The following NAALADL2 variants were observed in gnomAD, a reference collection of about 807,000 sequenced individuals.
The protein encoded by NAALADL2 is inactive N-acetylated-alpha-linked acidic dipeptidase-like protein 2.
A neutral mutation model predicts 87.2 loss-of-function variants in NAALADL2; 76 were observed. The ratio of observed to expected loss-of-function variants is 0.87; its 90% confidence interval spans 0.72 to 1.05. The LOEUF (loss-of-function observed/expected upper bound fraction) is 1.05. Ranked by LOEUF, NAALADL2 falls within the 50% of genes least tolerant of loss-of-function variation. NAALADL2 has a pLI of 0.00. For missense variants in NAALADL2, 1,089 were observed against 945.8 expected (o/e 1.15, Z -1.99); for synonymous variants, 354 against 331.0 (o/e 1.07, Z -0.75).
intron 11 of NAALADL2, among the ~76,000 whole-genome samples, 188 bp downstream of exon 11, chr3:175,627,574 C>T (rs1201300309): frequency 1.5e-5 from 1 of 65,580 alleles, no homozygotes; most frequent in African/African-American, 3.8e-5. Flanking sequence ...TCATACAGAC[C>T]CATAACTGTC....
intron 13 of NAALADL2, among the ~76,000 whole-genome samples, chr3:175,761,760 G>C (rs141444265): frequency 0.014 from 2,108 of 152,160 alleles, 19 homozygotes; most frequent in Middle Eastern, 0.027. Context: ...ATGATGTTTT[G>C]CATCTTTTCA....
At chr3:175,535,414 T>C (rs76510333) in intron 9 of NAALADL2, among the ~76,000 whole-genome samples, 2,802 of 152,316 alleles carry the variant, frequency 0.018, 86 homozygotes, top group African/African-American at 0.064. Flanking sequence ...TTTACTCTCC[T>C]GCTACTCTCC....
chr3:175,755,673 TATG>T (rs779693771), intron 13 of NAALADL2, among the ~76,000 whole-genome samples: 1 of 151,098 alleles, frequency 6.6e-6, no homozygotes, highest in Non-Finnish European at 1.5e-5. Context: ...ATGAGTCAAA[TATG>T]ATATGGCCAA....
intron 1 of NAALADL2, among the ~76,000 whole-genome samples, chr3:175,074,162 A>G (rs1309986429): frequency 6.6e-6 from 1 of 152,116 alleles, no homozygotes; most frequent in Non-Finnish European, 1.5e-5. Flanking sequence ...ACCAAAAATT[A>G]TGTTTCTAGA....
At chr3:175,740,669 C>A (rs1745105339) in intron 12 of NAALADL2, among the ~76,000 whole-genome samples, 1 of 152,080 alleles carries the variant, frequency 6.6e-6, no homozygotes, top group Non-Finnish European at 1.5e-5. Flanking sequence ...TATCACAAAC[C>A]CTTATAGCAG....
chr3:174,827,465 A>G lies in NAALADL2; in HGVS notation c.-9+89719A>G, dbSNP rs143158474. Among the ~76,000 whole-genome samples the G allele has an allele frequency of 3.6e-3, 550 of 152,314 alleles. 3 individuals are homozygous for G. Among genetic ancestry groups the G allele is most frequent in the Middle Eastern group, 0.02 (6 of 294 alleles). On this transcript the variant is annotated intron_variant, in intron 3 of 3. Coordinates refer to the NAALADL2 transcript ENST00000434257. ...CTCCATCTTCAAAACAAACAACATC[A>G]GAGCAAGTCTGTTTCACATCACTTC... is the stretch of plus-strand genomic sequence containing the variant.
In NAALADL2 at chr3:175,097,159, T is replaced by C. The variant is rs1721301762; in HGVS notation, c.413T>C (p.Phe138Ser). Residue 138 changes from phenylalanine to serine, a missense_variant, in exon 2 of 14, where the codon TTT becomes TCT. Transcript: ENST00000454872. ...ILCTATILFI[F>S]GILIGYYVHT... is the part of the protein sequence containing the mutation. ...TGCACAGCCACCATTTTATTTATTT[T>C]TGGGATTTTGATAGGTTATTATGTA... 1.2e-6 allele frequency: 2 copies of C among 1,613,714 alleles called. No individual in the cohort carries two copies. The highest frequency in any genetic ancestry group is 1.1e-5 in the South Asian group (1 of 91,088).
At chr3:174,468,149 A>T (rs1368644532) in intron 1 of NAALADL2, among the ~76,000 whole-genome samples, 1 of 152,118 alleles carries the variant, frequency 6.6e-6, no homozygotes, top group Non-Finnish European at 1.5e-5. Flanking sequence ...GGTTTTGTTC[A>T]TTTAATTCCA....
chr3:174,641,715 G>C (rs1165916028), intron 2 of NAALADL2, among the ~76,000 whole-genome samples: 1 of 152,066 alleles, frequency 6.6e-6, no homozygotes, highest in Non-Finnish European at 1.5e-5. Flanking sequence ...ATAACTTCTT[G>C]TTTAAGCCAA....
chr3:174,680,768 G>A (rs193110818), intron 2 of NAALADL2, among the ~76,000 whole-genome samples: 322 of 152,270 alleles, frequency 2.1e-3, no homozygotes, highest in African/African-American at 6.3e-3. Context: ...TAAGGAGAAG[G>A]AGGAGCAAGA....
Position 175,803,994 on chromosome 3 carries a change from CTT to C in NAALADL2, c.*792_*793del, listed in dbSNP as rs1003533839. 2.6e-5 allele frequency: 4 copies of C among 152,274 alleles called. No homozygotes were observed. The highest frequency in any genetic ancestry group is 1.9e-4 in the East Asian group (1 of 5,160). 9.4% of individuals were successfully genotyped at this position (152,274 alleles called of 1,614,324 possible). On this transcript the variant is annotated 3_prime_UTR_variant, in exon 14 of 14. Coordinates refer to ENST00000454872, the MANE Select transcript of NAALADL2 (RefSeq NM_207015.3). Reference sequence around the variant, plus strand: ...AAAAATATTTCTTATTACTTTTTCTCTTGTTTCTGTTGGAAACACTGAAGCAG... The same window carrying C: ...AAAAATATTTCTTATTACTTTTTCTCGTTTCTGTTGGAAACACTGAAGCAG...
At chr3:175,140,969 T>C (rs1039307921) in intron 2 of NAALADL2, among the ~76,000 whole-genome samples, 6 of 152,156 alleles carry the variant, frequency 3.9e-5, no homozygotes, top group African/African-American at 1.4e-4. Flanking sequence ...ACAGAGTGGA[T>C]AATTTTAAAA....
Position 175,350,922 on chromosome 3 carries a change from T to C in NAALADL2, c.1090+26597T>C, listed in dbSNP as rs966832808. Among the ~76,000 whole-genome samples the C allele has an allele frequency of 7.9e-5, 12 of 152,274 alleles. 1 individual carries two copies. Among genetic ancestry groups the C allele is most frequent in the Admixed American group, 2.6e-4 (4 of 15,274 alleles). ...TCTCAAATGGATACTTTCACATACA[T>C]ACAAATTATCCTGGTACTTTTTTTC... On this transcript the variant is annotated intron_variant, in intron 5 of 13. Coordinates refer to ENST00000454872, the MANE Select transcript of NAALADL2 (RefSeq NM_207015.3).
At chr3:175,346,232 A>C (rs1259373935) in intron 5 of NAALADL2, among the ~76,000 whole-genome samples, 1 of 152,178 alleles carries the variant, frequency 6.6e-6, no homozygotes, top group Non-Finnish European at 1.5e-5. Flanking sequence ...TCTGCCACAC[A>C]GAGATAAACT....
intron 13 of NAALADL2, chr3:175,773,688 G>A (rs539828807): frequency 7.9e-5 from 12 of 152,142 alleles, no homozygotes; most frequent in South Asian, 4.1e-4. Context: ...TCAGAAAAAC[G>A]TTTGCTGAGA....
At chr3:174,994,300 G>A (rs1241188465) in intron 1 of NAALADL2, among the ~76,000 whole-genome samples, 1 of 152,286 alleles carries the variant, frequency 6.6e-6, no homozygotes, top group African/African-American at 2.4e-5. Flanking sequence ...GTGGCAGAGG[G>A]ATGTGAGGGT....
intron 5 of NAALADL2, among the ~76,000 whole-genome samples, chr3:175,438,661 T>A (rs972328363): frequency 3.3e-5 from 5 of 152,066 alleles, no homozygotes; most frequent in African/African-American, 1.2e-4. Context: ...TAAATTATAA[T>A]AGTTAAAAAC....
chr3:174,446,743 G>T lies in NAALADL2; in HGVS notation c.-184+5711G>T, dbSNP rs114614167. Reference sequence around the variant, plus strand: ...CAAACCTGTAACATATTTCCTGCATGGTTATAGAACTCTCAGAGTACTCAA... The same window carrying T: ...CAAACCTGTAACATATTTCCTGCATTGTTATAGAACTCTCAGAGTACTCAA... On this transcript the variant is annotated intron_variant, in intron 1 of 3. Transcript: ENST00000434257. 5.4e-3 allele frequency among the ~76,000 whole-genome samples: 823 copies of T among 152,198 alleles called. 8 individuals are homozygous for T. Among genetic ancestry groups the T allele is most frequent in the African/African-American group, 0.019 (792 of 41,534 alleles).
intron 5 of NAALADL2, among the ~76,000 whole-genome samples, chr3:175,442,899 T>C (rs773417617): frequency 1.6e-4 from 25 of 152,226 alleles, no homozygotes; most frequent in Non-Finnish European, 2.9e-4. Context: ...GTATCCTTTC[T>C]TTCGAGGCAC....
Sources: allele counts gnomAD v4.1 joint callset (sites outside exome capture counted in the v4.1 genomes callset), GRCh38; gene constraint gnomAD v4.1.1; transcripts MANE v1.5; gene names NCBI Gene and HGNC (gene_info 2026-07-23, HGNC 2026-07-21).